PDE4B: variants seen among roughly 807,000 people sequenced by gnomAD.
The protein encoded by PDE4B is 3',5'-cyclic-AMP phosphodiesterase 4B.
PDE4B carries 20 observed loss-of-function variants against 82.2 expected under a neutral mutation model. The ratio of observed to expected loss-of-function variants is 0.24; its 90% CI spans 0.17 to 0.35. PDE4B has a LOEUF of 0.35. Ranked by LOEUF, PDE4B falls within the 10% of genes least tolerant of loss-of-function variation. The pLI is 1.00. For synonymous variants in PDE4B, 320 were observed against 318.9 expected (o/e 1.00, Z -0.04); for missense variants, 655 against 907.2 (o/e 0.72, Z 3.57).
intron 3 of PDE4B, among the ~76,000 whole-genome samples, chr1:66,094,300 T>G (rs1160713074): frequency 6.6e-6 from 1 of 151,988 alleles, no homozygotes; most frequent in African/African-American, 2.4e-5. Context: ...TGATTAATGA[T>G]TTTTCAAGCT....
chr1:66,219,317 A>G (rs1650769082), intron 3 of PDE4B, among the ~76,000 whole-genome samples: 1 of 152,172 alleles, frequency 6.6e-6, no homozygotes, highest in African/African-American at 2.4e-5. Context: ...CTAAGAATTC[A>G]TTGCTTTTAC....
In PDE4B at chr1:65,839,457, C is replaced by T. The variant is rs192028892; in HGVS notation, c.-71+46209C>T. Among the ~76,000 whole-genome samples, 617 of 152,080 alleles carry T rather than the reference C, an allele frequency of 4.1e-3. 4 individuals carry two copies. Among genetic ancestry groups the T allele is most frequent in the African/African-American group, 0.014 (567 of 41,460 alleles). The stretch of plus-strand genomic sequence containing the variant: ...CTGACAGGCCCCTGTGTGTGATGTT[C>T]CCCTTCCTGTGTCCATGTGTTCTCA... On this transcript the variant is annotated intron_variant, in intron 1 of 16. Coordinates refer to ENST00000341517, the MANE Select transcript of PDE4B (RefSeq NM_002600.4).
chr1:65,823,877 G>A (rs561961273), intron 1 of PDE4B, among the ~76,000 whole-genome samples: 1 of 152,212 alleles, frequency 6.6e-6, no homozygotes, highest in East Asian at 1.9e-4. Context: ...GAGCTCCACT[G>A]CTTATCTGCT....
At chr1:65,917,658 T>C (rs937085473) in intron 2 of PDE4B, among the ~76,000 whole-genome samples, 2 of 152,196 alleles carry the variant, frequency 1.3e-5, no homozygotes, top group African/African-American at 2.4e-5. Flanking sequence ...ACAATGTCTT[T>C]GTCTTCTCAC....
At chr1:66,259,449 G>T (rs1272915423) in intron 6 of PDE4B, among the ~76,000 whole-genome samples, 1 of 152,076 alleles carries the variant, frequency 6.6e-6, no homozygotes, top group Admixed American at 6.6e-5. Context: ...CCTAATTATG[G>T]ACTTACTGTT....
intron 3 of PDE4B, among the ~76,000 whole-genome samples, chr1:66,130,752 C>T (rs1401662559): frequency 6.6e-6 from 1 of 152,176 alleles, no homozygotes; most frequent in African/African-American, 2.4e-5. Flanking sequence ...TCCAGATCCT[C>T]GGTAGGCTCA....
At chr1:66,154,421 A>C (rs1646461735) in intron 3 of PDE4B, among the ~76,000 whole-genome samples, 2 of 152,174 alleles carry the variant, frequency 1.3e-5, no homozygotes, top group Non-Finnish European at 2.9e-5. Context: ...CAGGCTTGAT[A>C]AAAGAGAATT....
intron 3 of PDE4B, among the ~76,000 whole-genome samples, chr1:65,993,690 C>T (rs894715921): frequency 3.3e-5 from 5 of 152,096 alleles, no homozygotes; most frequent in African/African-American, 1.2e-4. Context: ...TAAGTTCCCA[C>T]TTCTGAAATT....
chr1:66,352,796 A>T (rs1389551416), intron 8 of PDE4B, among the ~76,000 whole-genome samples: 16 of 152,184 alleles, frequency 1.1e-4, no homozygotes, highest in Non-Finnish European at 2.4e-4. Flanking sequence ...AATACGTGAA[A>T]AAAGGGCATT....
At chr1:66,239,347 A>C (rs1422105588) in intron 3 of PDE4B, among the ~76,000 whole-genome samples, 1 of 152,174 alleles carries the variant, frequency 6.6e-6, no homozygotes, top group Non-Finnish European at 1.5e-5. Flanking sequence ...ACATACAGAA[A>C]ACATTCCCAC....
intron 8 of PDE4B, among the ~76,000 whole-genome samples, chr1:66,343,785 A>T (rs1408275913): frequency 1.3e-5 from 2 of 152,218 alleles, no homozygotes; most frequent in African/African-American, 2.4e-5. Context: ...CTTTTAATAG[A>T]TTATCCTGCT....
intron 3 of PDE4B, among the ~76,000 whole-genome samples, chr1:65,979,800 GT>G (rs1227002826): frequency 1.3e-5 from 2 of 152,192 alleles, no homozygotes; most frequent in African/African-American, 4.8e-5. Context: ...AGGTGCTGGA[GT>G]TACTGAGGTA....
intron 3 of PDE4B, among the ~76,000 whole-genome samples, chr1:65,993,763 T>A (rs1046284486): frequency 7.2e-5 from 11 of 152,250 alleles, no homozygotes; most frequent in Non-Finnish European, 1.5e-4. Flanking sequence ...CTTCTTTTTT[T>A]AAAAAAATGG....
chr1:65,923,471 A>C (rs1569695882), intron 3 of PDE4B, among the ~76,000 whole-genome samples: 3 of 152,276 alleles, frequency 2.0e-5, no homozygotes, highest in Middle Eastern at 6.8e-3. Context: ...ATCTTACCAC[A>C]CAATACATTA....
At chr1:66,069,650 T>C (rs1656049243) in intron 3 of PDE4B, among the ~76,000 whole-genome samples, 1 of 152,040 alleles carries the variant, frequency 6.6e-6, no homozygotes, top group Non-Finnish European at 1.5e-5. Flanking sequence ...CCTTGCTTTC[T>C]CAGATCTCAA....
At chr1:65,925,525 C>T (rs1647452359) in intron 3 of PDE4B, among the ~76,000 whole-genome samples, 1 of 152,106 alleles carries the variant, frequency 6.6e-6, no homozygotes, top group African/African-American at 2.4e-5. Context: ...CCCCCGAGCC[C>T]CTGCCCCATC....
intron 3 of PDE4B, among the ~76,000 whole-genome samples, chr1:66,123,709 A>G (rs1017722927): frequency 2.0e-5 from 3 of 152,222 alleles, no homozygotes; most frequent in African/African-American, 7.2e-5. Flanking sequence ...CAAATTAATT[A>G]TGGTTAGATG....
At chr1:66,013,683 A>G (rs1557497608) in intron 3 of PDE4B, among the ~76,000 whole-genome samples, 1 of 152,110 alleles carries the variant, frequency 6.6e-6, no homozygotes, top group South Asian at 2.1e-4. Flanking sequence ...CTTTTTAAAA[A>G]AAAAATAACT....
chr1:65,839,184 G>A (rs1461893014), intron 1 of PDE4B, among the ~76,000 whole-genome samples: 1 of 151,392 alleles, frequency 6.6e-6, no homozygotes, highest in Admixed American at 6.6e-5. Context: ...TCCAAGATTA[G>A]ATCTTTTGTT....
Sources: allele counts gnomAD v4.1 joint callset (sites outside exome capture counted in the v4.1 genomes callset), GRCh38; gene constraint gnomAD v4.1.1; transcripts MANE v1.5; gene names NCBI Gene and HGNC (gene_info 2026-07-23, HGNC 2026-07-21).